PRDM1: variants seen among roughly 807,000 people sequenced by gnomAD.
PRDM1 encodes PR/SET domain 1.
PRDM1 carries 13 observed loss-of-function variants against 62.8 expected under a neutral mutation model. The observed-to-expected ratio is 0.21, with a 90% confidence interval of 0.13 to 0.33. PRDM1 has a LOEUF of 0.33. Ranked by LOEUF, PRDM1 falls within the 10% of genes least tolerant of loss-of-function variation. The pLI is 1.00. For synonymous variants in PRDM1, 396 were observed against 417.6 expected, an observed-to-expected ratio of 0.95 and a Z score of 0.63; for missense variants, 895 against 1,058.8, an observed-to-expected ratio of 0.85 and a Z score of 2.15.
At chr6:106,089,968 T>A (rs1330894421) in intron 2 of PRDM1, among the ~76,000 whole-genome samples, 1 of 152,246 alleles carries the variant, frequency 6.6e-6, no homozygotes, top group Non-Finnish European at 1.5e-5. Flanking sequence ...ATAATGTTCT[T>A]ATCGTCAGTT....
intron 1 of PRDM1, among the ~76,000 whole-genome samples, chr6:106,076,396 AG>A (rs1773606509): frequency 6.6e-6 from 1 of 152,238 alleles, no homozygotes; most frequent in Non-Finnish European, 1.5e-5. Context: ...TTAGAGTGAT[AG>A]TGCCTGTAAA....
In PRDM1 at chr6:106,012,290, C is replaced by T. The variant is rs2114551303; in HGVS notation, c.-67+18651C>T. Among the ~76,000 whole-genome samples, 6 of 149,382 alleles carry T rather than the reference C, an allele frequency of 4.0e-5. 1 individual carries two copies. In the South Asian group the frequency reaches 1.3e-3, roughly 32 times the overall value. ...TCCACATTCACACACACCACTCACA[C>T]AAACATACCACACACACCACATCCC... On this transcript the variant is annotated intron_variant, in intron 1 of 6. Coordinates refer to the PRDM1 transcript ENST00000652320.
chr6:106,107,018 G>A lies in PRDM1; in HGVS notation c.2010G>A (p.Gln670=). The change falls in exon 7 of 7, where the codon CAG becomes CAA. Residue 670 remains glutamine, a synonymous_variant. Transcript: ENST00000369096. ...QCKVCPAKFT[Q]FVHLKLHKRL... is the part of the protein sequence containing the mutation. ...AGGTGTGCCCTGCCAAGTTCACCCA[G>A]TTTGTGCACCTGAAACTGCACAAGC... 6.2e-7 allele frequency: 1 copy of A among 1,614,178 alleles called. No homozygotes were observed.
intron 4 of PRDM1, among the ~76,000 whole-genome samples, chr6:106,101,557 A>G (rs1379288201): frequency 6.6e-6 from 1 of 152,240 alleles, no homozygotes; most frequent in Non-Finnish European, 1.5e-5. Context: ...TTCATTGTCC[A>G]ATATTCATAG....
intron 1 of PRDM1, among the ~76,000 whole-genome samples, chr6:106,009,619 G>A (rs1456921627): frequency 6.6e-6 from 1 of 152,142 alleles, no homozygotes; most frequent in East Asian, 1.9e-4. Flanking sequence ...AACAAATTAG[G>A]GGTGCATGTA....
chr6:106,064,994 A>G (rs760208720), intron 1 of PRDM1, among the ~76,000 whole-genome samples: 65 of 152,154 alleles, frequency 4.3e-4, no homozygotes, highest in Admixed American at 2.3e-3. Context: ...CTGGTTGTCC[A>G]TGTGACTAAC....
rs368096177 is a variant in PRDM1, at chr6:106,105,076, C to T, written c.916C>T (p.Pro306Ser). 1.4e-5 allele frequency: 23 copies of T among 1,614,004 alleles called. No homozygotes were observed. In the African/African-American group the frequency reaches 2.5e-4, roughly 18 times the overall value. The part of the protein sequence containing the change: ...RVVYPIRAPL[P>S]EDFLKASLAY... Reference sequence around the variant, plus strand: ...CGTTTACCCCATCCGGGCCCCTCTGCCAGAAGACTTTTTGAAAGCTTCCCT... The same window carrying T: ...CGTTTACCCCATCCGGGCCCCTCTGTCAGAAGACTTTTTGAAAGCTTCCCT... The change falls in exon 5 of 7, where the codon CCA becomes TCA. Residue 306 changes from proline (P) to serine (S), a missense_variant. This residue lies in a region of PRDM1 where 444 missense variants were observed against 422.7 expected (regional missense o/e 1.05). Coordinates refer to ENST00000369096, the MANE Select transcript of PRDM1 (RefSeq NM_001198.4).
intron 1 of PRDM1, among the ~76,000 whole-genome samples, chr6:106,064,121 C>A (rs1773389752): frequency 1.3e-5 from 2 of 152,184 alleles, no homozygotes; most frequent in Non-Finnish European, 2.9e-5. Context: ...CAGTTTATAT[C>A]AGCTGGAGGT....
intron 1 of PRDM1, among the ~76,000 whole-genome samples, chr6:106,060,249 A>C (rs1365018820): frequency 6.6e-6 from 1 of 152,176 alleles, no homozygotes; most frequent in Non-Finnish European, 1.5e-5. Context: ...AAAACAGGAG[A>C]GTGGAATAGT....
At chr6:106,029,733 A>G (rs1377696155) in intron 1 of PRDM1, among the ~76,000 whole-genome samples, 1 of 151,884 alleles carries the variant, frequency 6.6e-6, no homozygotes, top group Non-Finnish European at 1.5e-5. Context: ...CAGCCTCCCT[A>G]GTAGCTGACA....
At chr6:106,086,726 C>A in intron 1 of PRDM1, 131 bp downstream of exon 1, 1 of 753,842 alleles carries the variant, frequency 1.3e-6, no homozygotes, top group Non-Finnish European at 2.1e-6. Flanking sequence ...TGCTTTAGTG[C>A]ACTTAGTGCT....
At chr6:106,038,219 A>G (rs973010155) in intron 1 of PRDM1, among the ~76,000 whole-genome samples, 1 of 151,774 alleles carries the variant, frequency 6.6e-6, no homozygotes, top group Non-Finnish European at 1.5e-5. Flanking sequence ...TACTGACCTC[A>G]GGTGATCTGC....
chr6:106,098,756 C>CT, intron 3 of PRDM1: 2 of 1,452,594 alleles, frequency 1.4e-6, no homozygotes, highest in South Asian at 2.4e-5. Flanking sequence ...ACAAGTGTTA[C>CT]TTTAGGACTT....
At chr6:106,069,686 CT>C (rs1280586973) in intron 1 of PRDM1, among the ~76,000 whole-genome samples, 1 of 152,226 alleles carries the variant, frequency 6.6e-6, no homozygotes, top group Non-Finnish European at 1.5e-5. Flanking sequence ...GGTAAATCCC[CT>C]AATACAGTCT....
Position 106,107,556 on chromosome 6 carries a change from G to C in PRDM1, c.*70G>C, listed in dbSNP as rs1263005208. 1 of 1,369,744 alleles carries C rather than the reference G, an allele frequency of 7.3e-7. No individual in the cohort carries two copies. The allele number at this position is 1,369,744 out of a possible 1,614,324, so 84.8% of individuals were successfully genotyped here. On this transcript the variant is annotated 3_prime_UTR_variant, in exon 7 of 7. Coordinates refer to ENST00000369096, the MANE Select transcript of PRDM1 (RefSeq NM_001198.4). Reference sequence around the variant, plus strand: ...TGAGTCAGGGTGCCTGTAGGAAGTGGCTTGTACATAATCCCAGCTCTGCAA... The same window carrying C: ...TGAGTCAGGGTGCCTGTAGGAAGTGCCTTGTACATAATCCCAGCTCTGCAA...
intron 1 of PRDM1, among the ~76,000 whole-genome samples, chr6:106,073,184 G>A (rs1188686277): frequency 6.7e-6 from 1 of 148,314 alleles, no homozygotes; most frequent in African/African-American, 2.5e-5. Flanking sequence ...GCGCAATCTC[G>A]GCCCACTGCA....
chr6:106,077,055 TA>T (rs1228098840), intron 1 of PRDM1, among the ~76,000 whole-genome samples: 1 of 152,232 alleles, frequency 6.6e-6, no homozygotes, highest in Non-Finnish European at 1.5e-5. Context: ...TTGTCAGAGG[TA>T]AGTTCTTCCC....
In PRDM1 at chr6:106,098,920, A is replaced by G. The variant is rs541610124; in HGVS notation, c.412-380A>G. 5 of 1,513,060 alleles carry G rather than the reference A, an allele frequency of 3.3e-6. No homozygotes were observed. In the South Asian group the frequency reaches 3.9e-5, roughly 12 times the overall value. 93.7% of individuals were successfully genotyped at this position (1,513,060 alleles called of 1,614,324 possible). A position where few individuals can be genotyped will look rare whatever the true frequency, so the allele number is the denominator to read the frequency against. ...CCAGTGACTCAAAGCACTAAAAGTC[A>G]GCATAATCGGAACTGAAGTCAGTAG... On this transcript the variant is annotated intron_variant, in intron 3 of 6. Coordinates refer to ENST00000369096, the MANE Select transcript of PRDM1 (RefSeq NM_001198.4).
intron 1 of PRDM1, among the ~76,000 whole-genome samples, chr6:106,001,037 T>C (rs1399313923): frequency 2.6e-5 from 4 of 152,236 alleles, no homozygotes; most frequent in Non-Finnish European, 5.9e-5. Flanking sequence ...AAGTATATTG[T>C]CACCAACACT....
Sources: gnomAD v4.1 joint callset for allele counts (sites outside exome capture counted in the v4.1 genomes callset) on GRCh38, gnomAD v4.1.1 for gene constraint, gnomAD v4.1.1 regional missense constraint, MANE v1.5 for transcripts, NCBI Gene and HGNC (gene_info 2026-07-23, HGNC 2026-07-21) for gene names.